The following MYRIP variants were observed in gnomAD, a reference collection of about 807,000 sequenced individuals.
MYRIP encodes the protein myosin VIIA and Rab interacting protein.
In MYRIP, 49 loss-of-function variants were observed where a neutral mutation model predicts 98.0. The ratio of observed to expected loss-of-function variants is 0.50; its 90% CI spans 0.40 to 0.63. MYRIP has a LOEUF of 0.63. Ranked by LOEUF, MYRIP falls within the 30% of genes least tolerant of loss-of-function variation. The pLI is 0.00. For missense variants in MYRIP, 1,004 were observed against 1,058.2 expected (o/e 0.95, Z 0.71); for synonymous variants, 404 against 409.5 (o/e 0.99, Z 0.16).
intron 2 of MYRIP, among the ~76,000 whole-genome samples, chr3:39,986,593 C>T (rs1480792717): frequency 1.3e-5 from 2 of 152,276 alleles, no homozygotes; most frequent in Non-Finnish European, 2.9e-5. Flanking sequence ...GTGGATGCTG[C>T]AGCGGTACCA....
intron 3 of MYRIP, among the ~76,000 whole-genome samples, chr3:40,134,750 G>A (rs1479491731): frequency 6.6e-6 from 1 of 152,218 alleles, no homozygotes; most frequent in Non-Finnish European, 1.5e-5. Flanking sequence ...TGCAGCCACC[G>A]CTGCTGATAC....
intron 3 of MYRIP, among the ~76,000 whole-genome samples, chr3:40,075,763 T>G (rs1948329938): frequency 1.3e-5 from 2 of 149,428 alleles, no homozygotes; most frequent in African/African-American, 5.0e-5. Context: ...AATGAGGGAA[T>G]GAGGAGACAG....
chr3:40,173,809 A>G (rs1353191686), intron 8 of MYRIP: 3 of 152,154 alleles, frequency 2.0e-5, no homozygotes, highest in Admixed American at 1.3e-4. Flanking sequence ...ACCTCTCAGG[A>G]TTTTATTTGT....
chr3:40,072,674 T>G (rs1948257730), intron 3 of MYRIP, among the ~76,000 whole-genome samples: 1 of 152,206 alleles, frequency 6.6e-6, no homozygotes, highest in Non-Finnish European at 1.5e-5. Context: ...TTTCCAAGCA[T>G]GTGGAGATGT....
intron 1 of MYRIP, among the ~76,000 whole-genome samples, chr3:39,820,307 T>C (rs1310352669): frequency 1.3e-5 from 2 of 152,224 alleles, no homozygotes; most frequent in African/African-American, 4.8e-5. Flanking sequence ...TTTTCTAGTC[T>C]GTCAAGCCCA....
At chr3:40,091,565 C>T (rs781148608) in intron 3 of MYRIP, among the ~76,000 whole-genome samples, 1 of 152,182 alleles carries the variant, frequency 6.6e-6, no homozygotes. Context: ...CACAAACACC[C>T]CAGACCTCTT....
intron 11 of MYRIP, among the ~76,000 whole-genome samples, chr3:40,218,276 T>C (rs1267224992): frequency 4.6e-5 from 7 of 151,974 alleles, no homozygotes; most frequent in Middle Eastern, 3.2e-3. Context: ...CCAATGTCAA[T>C]GAATCTTAAC....
chr3:39,826,883 T>C (rs1292304453), intron 1 of MYRIP, among the ~76,000 whole-genome samples: 3 of 152,194 alleles, frequency 2.0e-5, no homozygotes, highest in Admixed American at 2.0e-4. Context: ...TCTTTATTAT[T>C]ATATAATGTT....
Position 40,258,898 on chromosome 3 carries a change from T to A in MYRIP, c.*732T>A, listed in dbSNP as rs1272080085. 6.6e-6 allele frequency: 1 copy of A among 152,340 alleles called. No individual in the cohort carries two copies. Among genetic ancestry groups the A allele is most frequent in the Non-Finnish European group, 1.5e-5 (1 of 68,134 alleles). 9.4% of individuals were successfully genotyped at this position (152,340 alleles called of 1,614,324 possible). A position where few individuals can be genotyped will look rare whatever the true frequency, so the allele number is the denominator to read the frequency against. ...AGAATTTAGGGTTCTTCCATGGGCT[T>A]ACTGACAGTTGCCCAGATCTGAAGG... On this transcript the variant is annotated 3_prime_UTR_variant, in exon 17 of 17. Transcript: ENST00000302541.
Position 39,985,242 on chromosome 3 carries a change from A to C in MYRIP, c.111-58808A>C, listed in dbSNP as rs1447875192. On this transcript the variant is annotated intron_variant, in intron 2 of 16. Coordinates refer to ENST00000302541, the MANE Select transcript of MYRIP (RefSeq NM_015460.4). ...AGAGAATAAAATACCTAGGAATCCA[A>C]CTTACAAGGGACGTGAAGGACCTCT... Among the ~76,000 whole-genome samples, 190 of 147,432 alleles carry C rather than the reference A, an allele frequency of 1.3e-3. 1 individual carries two copies. Among genetic ancestry groups the C allele is most frequent in the African/African-American group, 4.7e-3 (185 of 39,698 alleles).
intron 1 of MYRIP, among the ~76,000 whole-genome samples, chr3:39,877,962 G>A (rs1943047889): frequency 6.6e-6 from 1 of 152,224 alleles, no homozygotes; most frequent in Non-Finnish European, 1.5e-5. Context: ...AGCCTACAGA[G>A]GCAGGCAGGC....
At chr3:39,889,774 T>C (rs1353430510) in intron 1 of MYRIP, among the ~76,000 whole-genome samples, 1 of 152,200 alleles carries the variant, frequency 6.6e-6, no homozygotes, top group African/African-American at 2.4e-5. Context: ...ATTTATTCAG[T>C]GTTTTTAATG....
At chr3:40,228,258 C>A (rs1353023751) in intron 11 of MYRIP, among the ~76,000 whole-genome samples, 5 of 152,208 alleles carry the variant, frequency 3.3e-5, no homozygotes, top group African/African-American at 9.7e-5. Context: ...TGGGACCAGG[C>A]ACTTGTGCAT....
chr3:39,933,658 T>C (rs1197381224), intron 2 of MYRIP, among the ~76,000 whole-genome samples: 1 of 152,230 alleles, frequency 6.6e-6, no homozygotes, highest in African/African-American at 2.4e-5. Flanking sequence ...CTTCAAGAAA[T>C]ATATTCAAGG....
At chr3:39,822,601 A>C (rs1279628784) in intron 1 of MYRIP, among the ~76,000 whole-genome samples, 1 of 152,212 alleles carries the variant, frequency 6.6e-6, no homozygotes, top group South Asian at 2.1e-4. Context: ...ATTATTGACT[A>C]TAGTCATCCT....
At chr3:39,840,693 A>G (rs561536611) in intron 1 of MYRIP, among the ~76,000 whole-genome samples, 80 of 152,286 alleles carry the variant, frequency 5.3e-4, no homozygotes, top group African/African-American at 1.9e-3. Context: ...CTTGTCTGTA[A>G]AGGATTTTAT....
rs1446934841 is a variant in MYRIP, at chr3:40,170,014, C to T, written c.794C>T (p.Pro265Leu). 6.2e-7 allele frequency: 1 copy of T among 1,614,170 alleles called. No individual in the cohort carries two copies. Residue 265 changes from proline (P) to leucine (L), a missense_variant, in exon 8 of 17, where the codon CCC (proline) becomes CTC (leucine). This residue lies in a region of MYRIP where 880 missense variants were observed against 907.7 expected (regional missense o/e 0.97). Transcript: ENST00000302541. ...QVEEEPGWPH[P>L]QSCSTKVADE... ...GAAGAAGAGCCAGGATGGCCACATCCCCAGAGTTGCAGCACAAAGGTGGCA... is the reference window on the plus strand; with the variant it reads ...GAAGAAGAGCCAGGATGGCCACATCTCCAGAGTTGCAGCACAAAGGTGGCA...
intron 2 of MYRIP, among the ~76,000 whole-genome samples, chr3:40,029,814 C>CT (rs571773373): frequency 3.2e-4 from 48 of 152,054 alleles, no homozygotes; most frequent in Admixed American, 1.4e-3. Flanking sequence ...AATCCCAGTG[C>CT]TTTGGGAAGC....
chr3:40,146,082 G>A (rs1006909523), intron 3 of MYRIP, among the ~76,000 whole-genome samples: 5 of 152,200 alleles, frequency 3.3e-5, no homozygotes, highest in African/African-American at 1.2e-4. Flanking sequence ...TTGTCAATAT[G>A]TTGATATACT....
Sources: gnomAD v4.1 joint callset for allele counts (sites outside exome capture counted in the v4.1 genomes callset) on GRCh38, gnomAD v4.1.1 for gene constraint, gnomAD v4.1.1 regional missense constraint, MANE v1.5 for transcripts, NCBI Gene and HGNC (gene_info 2026-07-23, HGNC 2026-07-21) for gene names.